Variants in SUCLG2 observed in about 807,000 individuals in gnomAD.
The protein encoded by SUCLG2 is succinate--CoA ligase [GDP-forming] subunit beta, mitochondrial.
Under a neutral mutation model 47.9 loss-of-function variants are expected in SUCLG2, and 42 were observed. The observed-to-expected ratio is 0.88, with a 90% CI of 0.69 to 1.14. SUCLG2 has a LOEUF of 1.14. Among genes scored for constraint, SUCLG2 ranks in the 50% most tolerant of loss-of-function variants. The pLI, the probability that SUCLG2 is intolerant of heterozygous loss-of-function variation, is 0.00. For missense variants in SUCLG2, 571 were observed against 525.9 expected, an observed-to-expected ratio of 1.09 and a Z score of -0.84; for synonymous variants, 195 against 197.3, an observed-to-expected ratio of 0.99 and a Z score of 0.10.
At chr3:67,442,280 G>C (rs548257885) in intron 9 of SUCLG2, among the ~76,000 whole-genome samples, 24 of 152,162 alleles carry the variant, frequency 1.6e-4, no homozygotes, top group Non-Finnish European at 4.4e-5. Context: ...AAAGTGCTGG[G>C]ATTACAGGCG....
intron 9 of SUCLG2, among the ~76,000 whole-genome samples, chr3:67,475,630 C>T (rs1050342780): frequency 3.9e-5 from 6 of 152,176 alleles, no homozygotes; most frequent in Non-Finnish European, 5.9e-5. Context: ...GGTGCTATCA[C>T]CCACTATGAC....
chr3:67,555,219 T>C (rs1292941170), intron 2 of SUCLG2, among the ~76,000 whole-genome samples: 1 of 152,106 alleles, frequency 6.6e-6, no homozygotes, highest in Non-Finnish European at 1.5e-5. Context: ...GATTTAGGAA[T>C]GAAATTGGAA....
intron 9 of SUCLG2, among the ~76,000 whole-genome samples, chr3:67,437,436 G>A (rs1434082940): frequency 2.0e-5 from 3 of 152,120 alleles, no homozygotes; most frequent in Non-Finnish European, 4.4e-5. Context: ...TAAATGATAC[G>A]ATAGCTTTTT....
intron 2 of SUCLG2, among the ~76,000 whole-genome samples, chr3:67,559,180 G>C (rs894776357): frequency 6.6e-6 from 1 of 152,108 alleles, no homozygotes. Context: ...ACGTGCACAA[G>C]GGTGGCAGAA....
At chr3:67,495,544 C>G (rs1179184586) in intron 9 of SUCLG2, among the ~76,000 whole-genome samples, 1 of 151,106 alleles carries the variant, frequency 6.6e-6, no homozygotes, top group Non-Finnish European at 1.5e-5. Flanking sequence ...CCCAGCTACT[C>G]AAGAGGCTGA....
intron 9 of SUCLG2, among the ~76,000 whole-genome samples, chr3:67,432,651 A>G (rs1453478828): frequency 6.6e-6 from 1 of 152,068 alleles, no homozygotes; most frequent in African/African-American, 2.4e-5. Context: ...ATTACCCTTC[A>G]CATTCATCCA....
chr3:67,585,082 A>T (rs6794298), intron 2 of SUCLG2, among the ~76,000 whole-genome samples: 35 of 152,110 alleles, frequency 2.3e-4, no homozygotes, highest in Non-Finnish European at 4.1e-4. Flanking sequence ...TAACTTAATT[A>T]GCTTGTCAGA....
chr3:67,416,516 T>C (rs1053504680), intron 9 of SUCLG2, among the ~76,000 whole-genome samples: 16 of 152,322 alleles, frequency 1.1e-4, no homozygotes, highest in Middle Eastern at 3.4e-3. Flanking sequence ...ATCAGGACTA[T>C]GTACAGGGAA....
At chr3:67,630,036 G>A (rs908472320) in intron 1 of SUCLG2, among the ~76,000 whole-genome samples, 2 of 151,890 alleles carry the variant, frequency 1.3e-5, no homozygotes, top group Non-Finnish European at 2.9e-5. Context: ...TGCATATTGA[G>A]CTTATAAAAG....
intron 9 of SUCLG2, among the ~76,000 whole-genome samples, chr3:67,464,098 G>A (rs1212402309): frequency 1.3e-5 from 2 of 152,176 alleles, no homozygotes; most frequent in African/African-American, 4.8e-5. Flanking sequence ...GCAGAGACCT[G>A]GCCCAAGCCC....
intron 2 of SUCLG2, among the ~76,000 whole-genome samples, chr3:67,561,023 C>G (rs1707294398): frequency 6.8e-6 from 1 of 147,300 alleles, no homozygotes; most frequent in Admixed American, 6.9e-5. Flanking sequence ...GTGTACTTTG[C>G]TCATCTAGAA....
intron 9 of SUCLG2, among the ~76,000 whole-genome samples, chr3:67,435,379 C>T (rs928194161): frequency 6.6e-6 from 1 of 152,164 alleles, no homozygotes; most frequent in African/African-American, 2.4e-5. Flanking sequence ...GTATTATTAA[C>T]ACTAGCAGTT....
At chr3:67,376,176 T>C (rs2363712) in intron 10 of SUCLG2, 664,301 of 984,614 alleles carry the variant, frequency 0.67, 224,434 homozygotes, top group Middle Eastern at 0.82. Flanking sequence ...CAGAAGTCAC[T>C]TGTCTTAAAG....
chr3:67,448,591 G>T (rs1354208811), intron 9 of SUCLG2, among the ~76,000 whole-genome samples: 1 of 152,166 alleles, frequency 6.6e-6, no homozygotes, highest in African/African-American at 2.4e-5. Flanking sequence ...TGCCATGTTG[G>T]CCAGGCTGGT....
intron 2 of SUCLG2, among the ~76,000 whole-genome samples, chr3:67,577,170 A>G (rs9682933): frequency 0.27 from 40,314 of 151,882 alleles, 6,097 homozygotes; most frequent in East Asian, 0.42. Flanking sequence ...AAATTAGACA[A>G]GCATGGTGGC....
chr3:67,529,207 G>C, intron 2 of SUCLG2, 21 bp from the exon 3 acceptor site: 1 of 1,574,422 alleles, frequency 6.4e-7, no homozygotes, highest in South Asian at 1.2e-5. Context: ...AAAATCCAGA[G>C]TTGGTAGCTG....
At chr3:67,632,579 A>G (rs963865164) in intron 1 of SUCLG2, among the ~76,000 whole-genome samples, 2 of 152,152 alleles carry the variant, frequency 1.3e-5, no homozygotes, top group Non-Finnish European at 2.9e-5. Flanking sequence ...AAGATCATGG[A>G]CACTGGATCA....
At chr3:67,391,102 C>A (rs113815419) in intron 10 of SUCLG2, among the ~76,000 whole-genome samples, 1 of 152,194 alleles carries the variant, frequency 6.6e-6, no homozygotes, top group Non-Finnish European at 1.5e-5. Context: ...GTTTCAGCAA[C>A]ATAAACATTT....
At chr3:67,435,596 A>G (rs1703599079) in intron 9 of SUCLG2, among the ~76,000 whole-genome samples, 1 of 152,210 alleles carries the variant, frequency 6.6e-6, no homozygotes, top group African/African-American at 2.4e-5. Context: ...TAAAAAGAAT[A>G]CACATTATCT....
Sources: gnomAD v4.1 joint callset for allele counts (sites outside exome capture counted in the v4.1 genomes callset) on GRCh38, gnomAD v4.1.1 for gene constraint, MANE v1.5 for transcripts, NCBI Gene and HGNC (gene_info 2026-07-23, HGNC 2026-07-21) for gene names.